The following TRAK2 variants were observed in gnomAD, a reference collection of about 807,000 sequenced individuals.
TRAK2 encodes trafficking kinesin-binding protein 2.
TRAK2 carries 81 observed loss-of-function variants against 104.6 expected under a neutral mutation model. That is an observed-to-expected ratio of 0.77 (90% CI 0.65 to 0.93). The LOEUF (loss-of-function observed/expected upper bound fraction) is 0.93. TRAK2 is among the 40% of genes least tolerant of loss of function. TRAK2 has a pLI of 0.00. For synonymous variants in TRAK2, 406 were observed against 394.4 expected, an observed-to-expected ratio of 1.03 and a Z score of -0.35; for missense variants, 1,002 against 1,089.0, an observed-to-expected ratio of 0.92 and a Z score of 1.12.
chr2:201,407,575 G>A lies in TRAK2; in HGVS notation c.114C>T (p.Leu38=). The change falls in exon 3 of 16, where the codon CTC becomes CTT. Residue 38 remains leucine, a synonymous_variant. Transcript: ENST00000332624. ...GCAGACTCACCAGCTCAACTTCAGG[G>A]AGATCCTCATTGGAGCAGACATCTA... The part of the protein sequence containing the change: ...SITDVCSNED[L]PEVELVSLLE... 1 of 1,613,564 alleles carries A rather than the reference G, an allele frequency of 6.2e-7. No individual in the cohort carries two copies. Among genetic ancestry groups the A allele is most frequent in the Non-Finnish European group, 8.5e-7 (1 of 1,179,918 alleles).
At chr2:201,430,702 T>G (rs1011210211) in intron 1 of TRAK2, among the ~76,000 whole-genome samples, 1 of 152,118 alleles carries the variant, frequency 6.6e-6, no homozygotes, top group Non-Finnish European at 1.5e-5. Flanking sequence ...GGTGGGAGTG[T>G]CCCGATTTTC....
At chr2:201,448,935 CCTCGGGCTCTCA>C (rs1951987142) in intron 1 of TRAK2, among the ~76,000 whole-genome samples, 1 of 152,146 alleles carries the variant, frequency 6.6e-6, no homozygotes, top group Non-Finnish European at 1.5e-5. Context: ...CATCCTCCTG[CCTCGGGCTCTCA>C]AAGTGCTGAG....
chr2:201,430,249 G>A (rs1027732539), intron 1 of TRAK2, among the ~76,000 whole-genome samples: 1 of 152,244 alleles, frequency 6.6e-6, no homozygotes, highest in Admixed American at 6.5e-5. Context: ...CCTGGGAGGT[G>A]TCTCCCAGTT....
Position 201,399,471 on chromosome 2 carries a change from G to A in TRAK2, c.386C>T (p.Ala129Val), listed in dbSNP as rs779060107. 2 of 1,612,562 alleles carry A rather than the reference G, an allele frequency of 1.2e-6. No individual in the cohort carries two copies. The highest frequency in any genetic ancestry group is 1.1e-5 in the South Asian group (1 of 90,942). ...TAAGAGAGCTTGTCCAATTCGAGCAGCGAGTTCCAGATCACGATCCCTCTG... is the reference window on the plus strand; with the variant it reads ...TAAGAGAGCTTGTCCAATTCGAGCAACGAGTTCCAGATCACGATCCCTCTG... ...LAERDRDLELAARIGQALLKR... is the reference protein window; with the variant it reads ...LAERDRDLELVARIGQALLKR... Residue 129 changes from alanine to valine, a missense_variant, in exon 5 of 16, where the codon GCT becomes GTT. Coordinates refer to ENST00000332624, the MANE Select transcript of TRAK2 (RefSeq NM_015049.3).
intron 2 of TRAK2, chr2:201,412,483 C>G: frequency 8.7e-7 from 1 of 1,155,654 alleles, no homozygotes; most frequent in Non-Finnish European, 1.3e-6. Flanking sequence ...CCTACTGAAA[C>G]TCTTATAAAT....
intron 2 of TRAK2, chr2:201,412,774 G>C: frequency 8.1e-7 from 1 of 1,231,598 alleles, no homozygotes; most frequent in East Asian, 2.3e-5. Context: ...ATTTTCAGGA[G>C]TAATATTTCC....
Position 201,379,201 on chromosome 2 carries a change from T to C in TRAK2, c.*1342A>G, listed in dbSNP as rs1394039983. On this transcript the variant is annotated 3_prime_UTR_variant, in exon 16 of 16. Transcript: ENST00000332624. ...GAGAAGCAGACTTTGCTCAGCAACA[T>C]TGAGAAAAAACAGATCTACTTCTTT... 2 of 152,132 alleles carry C rather than the reference T, an allele frequency of 1.3e-5. No homozygotes were observed. Among genetic ancestry groups the C allele is most frequent in the Non-Finnish European group, 2.9e-5 (2 of 68,020 alleles). The allele number at this position is 152,132 out of a possible 1,614,324, so 9.4% of individuals were successfully genotyped here. A position where few individuals can be genotyped will look rare whatever the true frequency, so the allele number is the denominator to read the frequency against.
rs778488047 is a variant in TRAK2 at position 201,380,759 on chromosome 2, T to C, written c.2529A>G (p.Ile843Met). 3 of 1,614,042 alleles carry C rather than the reference T, an allele frequency of 1.9e-6. No homozygotes were observed. The African/African-American group carries it at 4.0e-5, about 22-fold the overall frequency. ...CACCAGGGTTCTTGACCACTCTGGC[T>C]ATCCCCAGTCTCTTCAGCCTGTCCA... is the stretch of plus-strand genomic sequence containing the variant. ...NLVDRLKRLG[I>M]ARVVKNPGAQ... is the part of the protein sequence containing the mutation. The change falls in exon 16 of 16, where the codon ATA becomes ATG. Residue 843 changes from isoleucine to methionine, a missense_variant. By Grantham distance (10) the Ile-to-Met change is conservative (BLOSUM62 1). Transcript: ENST00000332624.
rs145152380 is a variant in TRAK2 at position 201,430,171 on chromosome 2, C to T, written c.-199-9465G>A. On this transcript the variant is annotated intron_variant, in intron 1 of 15. Transcript: ENST00000332624. ...TATTGCAGAACAGCCAATGTTGCTG[C>T]CTGATCCTTCCTCTGGAAGCTTTGT... is the stretch of plus-strand genomic sequence containing the variant. Among the ~76,000 whole-genome samples, 578 of 152,320 alleles carry T rather than the reference C, an allele frequency of 3.8e-3. 5 individuals carry two copies. The highest frequency in any genetic ancestry group is 0.013 in the African/African-American group (537 of 41,570).
At chr2:201,410,495 A>G in intron 2 of TRAK2, 1 of 818,728 alleles carries the variant, frequency 1.2e-6, no homozygotes, top group East Asian at 2.4e-5. Context: ...AAAGATGTAA[A>G]TCAGCTCACC....
chr2:201,416,405 C>CAAA (rs113793699), intron 2 of TRAK2, among the ~76,000 whole-genome samples: 1 of 150,466 alleles, frequency 6.6e-6, no homozygotes, highest in African/African-American at 2.5e-5. Flanking sequence ...GACCCTTTCT[C>CAAA]AAAAAAAAAG....
intron 12 of TRAK2, among the ~76,000 whole-genome samples, chr2:201,388,947 G>T (rs1559438198): frequency 6.6e-6 from 1 of 150,722 alleles, no homozygotes; most frequent in African/African-American, 2.4e-5. Context: ...TAAAAGGAAT[G>T]AAAAAAAAAT....
In TRAK2 at chr2:201,401,063, G is replaced by A. The variant is rs1323644700; in HGVS notation, c.318C>T (p.Thr106=). 1 of 1,610,186 alleles carries A rather than the reference G, an allele frequency of 6.2e-7. No individual in the cohort carries two copies. Among genetic ancestry groups the A allele is most frequent in the Non-Finnish European group, 8.5e-7 (1 of 1,177,568 alleles). ...ILGTDRVEQM[T]KTYNDIDMVT... ...CCATGTCGATGTCATTGTAAGTTTTGGTCATCTGCTCCACCCTGTCTGTGC... is the reference window on the plus strand; with the variant it reads ...CCATGTCGATGTCATTGTAAGTTTTAGTCATCTGCTCCACCCTGTCTGTGC... The change falls in exon 4 of 16, where the codon ACC becomes ACT. Residue 106 remains threonine, a synonymous_variant. Transcript: ENST00000332624.
chr2:201,436,581 G>A (rs770745020), intron 1 of TRAK2, among the ~76,000 whole-genome samples: 3 of 152,120 alleles, frequency 2.0e-5, no homozygotes, highest in Non-Finnish European at 4.4e-5. Context: ...TAGCAGTAAG[G>A]AAAATACAAA....
intron 9 of TRAK2, 93 bp downstream of exon 9, chr2:201,394,704 TG>T: frequency 9.7e-7 from 1 of 1,033,320 alleles, no homozygotes. Flanking sequence ...TTTTTAAATC[TG>T]GTAATTCCCC....
chr2:201,382,980 T>G (rs1326631042), intron 15 of TRAK2, among the ~76,000 whole-genome samples: 2 of 152,216 alleles, frequency 1.3e-5, no homozygotes, highest in Non-Finnish European at 2.9e-5. Context: ...TATTATTTAA[T>G]GCACTTAAAG....
intron 1 of TRAK2, among the ~76,000 whole-genome samples, chr2:201,430,220 G>A (rs1006648664): frequency 6.6e-6 from 1 of 152,226 alleles, no homozygotes; most frequent in African/African-American, 2.4e-5. Flanking sequence ...CCGGCTGTAT[G>A]AGGTGTCAGT....
intron 3 of TRAK2, among the ~76,000 whole-genome samples, chr2:201,405,074 A>G (rs959459835): frequency 2.6e-5 from 4 of 152,230 alleles, no homozygotes; most frequent in African/African-American, 9.6e-5. Flanking sequence ...TACATGATGC[A>G]TGGGTGATAA....
intron 1 of TRAK2, among the ~76,000 whole-genome samples, chr2:201,431,904 G>A (rs976001470): frequency 5.3e-5 from 8 of 152,074 alleles, no homozygotes; most frequent in Non-Finnish European, 7.4e-5. Context: ...TACTTTATGG[G>A]GACTAAGTGA....
Sources: allele counts gnomAD v4.1 joint callset (sites outside exome capture counted in the v4.1 genomes callset), GRCh38; gene constraint gnomAD v4.1.1; transcripts MANE v1.5; gene names NCBI Gene and HGNC (gene_info 2026-07-23, HGNC 2026-07-21).